TBC1D2B: variants seen among roughly 807,000 people sequenced by gnomAD.
TBC1D2B encodes the protein TBC1 domain family, member 2B.
A neutral mutation model predicts 100.8 loss-of-function variants in TBC1D2B; 64 were observed. That is an observed-to-expected ratio of 0.64 (90% CI 0.52 to 0.78). TBC1D2B has a LOEUF of 0.78. TBC1D2B is among the 30% of genes least tolerant of loss of function. TBC1D2B has a pLI of 0.00. For missense variants in TBC1D2B, 1,052 were observed against 1,218.4 expected, an observed-to-expected ratio of 0.86 and a Z score of 2.03; for synonymous variants, 480 against 479.7, an observed-to-expected ratio of 1.00 and a Z score of -0.01.
intron 10 of TBC1D2B, chr15:78,003,723 G>C: frequency 2.1e-6 from 1 of 473,754 alleles, no homozygotes; most frequent in South Asian, 4.1e-5. Flanking sequence ...CTTTCCACAG[G>C]GCATGGGAGT....
intron 9 of TBC1D2B, among the ~76,000 whole-genome samples, chr15:78,009,937 T>TGCACTCCGGCCTGGGCGAGAGAGCC (rs1391660396): frequency 7.0e-6 from 1 of 142,016 alleles, no homozygotes; most frequent in African/African-American, 2.7e-5. Context: ...ATAGCTCCAC[T>TGCACTCCGGCCTGGGCGAGAGAGCC]GCACTCCGGC....
chr15:78,060,866 G>A (rs1007664639), intron 1 of TBC1D2B, among the ~76,000 whole-genome samples: 7 of 150,590 alleles, frequency 4.6e-5, no homozygotes, highest in African/African-American at 9.8e-5. Flanking sequence ...GCAGTGAGCC[G>A]AGATCGCGCC....
rs1311814468 is a variant in TBC1D2B at position 78,009,006 on chromosome 15, T to C, written c.2379A>G (p.Leu793=). 1 of 1,589,522 alleles carries C rather than the reference T, an allele frequency of 6.3e-7. No individual in the cohort carries two copies. The highest frequency in any genetic ancestry group is 1.8e-5 in the Admixed American group (1 of 56,316). ...GAATTTTCAGAACTACCTGGGATCC[T>C]AAAAGAGTCTTTGTATAATAGTCTC... ...MPRDYYTKTL[L]GSQVDQRVFR... Residue 793 remains leucine, a synonymous_variant, in exon 10 of 13, where the codon TTA becomes TTG. Transcript: ENST00000300584.
intron 1 of TBC1D2B, among the ~76,000 whole-genome samples, chr15:78,068,383 CCACACACACACACACACACA>C (rs35403620): frequency 2.1e-5 from 3 of 143,012 alleles, no homozygotes; most frequent in Admixed American, 7.0e-5. Context: ...CACACCACAC[CCACACACACACACACACACA>C]CACACACACA....
In TBC1D2B at chr15:78,044,963, G is replaced by A; in HGVS notation, c.620C>T (p.Pro207Leu). ...ELVGEQAANQ[P>L]APGHPNSINF... ...AATGGAATTTGGATGCCCTGGGGCG[G>A]GCTGATTTGCAGCTTGTTCTCCCAC... The change falls in exon 3 of 13, where the codon CCC becomes CTC. Residue 207 changes from proline (P) to leucine (L), a missense_variant. Coordinates refer to ENST00000300584, the MANE Select transcript of TBC1D2B (RefSeq NM_144572.2). The A allele has an allele frequency of 1.2e-6, 2 of 1,613,710 alleles. No individual in the cohort carries two copies. The highest frequency in any genetic ancestry group is 8.5e-7 in the Non-Finnish European group (1 of 1,179,768).
chr15:78,075,588 C>T (rs998070686), intron 1 of TBC1D2B, among the ~76,000 whole-genome samples: 4 of 152,138 alleles, frequency 2.6e-5, no homozygotes, highest in Non-Finnish European at 4.4e-5. Context: ...GAAATTCGTC[C>T]GACACAGGGA....
chr15:78,070,204 C>A (rs548052993), intron 1 of TBC1D2B, among the ~76,000 whole-genome samples: 4 of 152,250 alleles, frequency 2.6e-5, no homozygotes, highest in Non-Finnish European at 5.9e-5. Context: ...AGGGCCTCTG[C>A]TTATGCCATT....
chr15:78,049,246 C>T (rs2073262502), intron 2 of TBC1D2B, among the ~76,000 whole-genome samples: 1 of 152,144 alleles, frequency 6.6e-6, no homozygotes, highest in African/African-American at 2.4e-5. Context: ...TTTGCCTGTC[C>T]CCTACCCCCA....
rs201895110 is a variant in TBC1D2B at position 78,013,245 on chromosome 15, G to A, written c.1848C>T (p.Arg616=). The A allele has an allele frequency of 2.4e-5, 38 of 1,613,804 alleles. No homozygotes were observed. Among genetic ancestry groups the A allele is most frequent in the Non-Finnish European group, 3.1e-5 (36 of 1,179,888 alleles). ...GGTAGAGAGTCTTCAGATCCAACGC[G>A]CGGACCTTGGCAACCAATTTCTCTT... ...DEEEKLVAKV[R]ALDLKTLYLT... is the part of the protein sequence containing the mutation. Residue 616 remains arginine, a synonymous_variant, in exon 9 of 13, where the codon CGC becomes CGT. Transcript: ENST00000300584.
chr15:78,036,869 T>C (rs1270351256), intron 3 of TBC1D2B, among the ~76,000 whole-genome samples: 1 of 152,208 alleles, frequency 6.6e-6, no homozygotes, highest in African/African-American at 2.4e-5. Context: ...TCAGCTGGCA[T>C]TCAAGTTTGG....
chr15:78,062,263 G>A (rs2073562937), intron 1 of TBC1D2B, among the ~76,000 whole-genome samples: 1 of 152,136 alleles, frequency 6.6e-6, no homozygotes, highest in Admixed American at 6.5e-5. Context: ...CACAAAGAAA[G>A]CAAAGCAAAG....
chr15:78,073,622 G>C (rs1420317265), intron 1 of TBC1D2B, among the ~76,000 whole-genome samples: 1 of 152,104 alleles, frequency 6.6e-6, no homozygotes, highest in Non-Finnish European at 1.5e-5. Flanking sequence ...ACACCATAAA[G>C]ATTTTACTCC....
chr15:78,048,438 C>T (rs568211946), intron 2 of TBC1D2B, among the ~76,000 whole-genome samples: 74 of 152,318 alleles, frequency 4.9e-4, no homozygotes, highest in African/African-American at 1.8e-3. Flanking sequence ...GACATGGCAA[C>T]ATTTCCTCGA....
intron 3 of TBC1D2B, among the ~76,000 whole-genome samples, chr15:78,043,335 C>T (rs1257600856): frequency 6.6e-6 from 1 of 152,176 alleles, no homozygotes; most frequent in Non-Finnish European, 1.5e-5. Flanking sequence ...GGCTTGGACT[C>T]TACAGGACAG....
chr15:78,020,767 G>C (rs1387145819), intron 6 of TBC1D2B, among the ~76,000 whole-genome samples: 5 of 152,202 alleles, frequency 3.3e-5, no homozygotes, highest in Non-Finnish European at 7.3e-5. Context: ...TAAACTGTGA[G>C]GCCCAGGAGT....
intron 2 of TBC1D2B, among the ~76,000 whole-genome samples, chr15:78,051,986 C>T (rs2073323186): frequency 1.3e-5 from 2 of 152,172 alleles, no homozygotes; most frequent in Admixed American, 1.3e-4. Context: ...TCTAATGTTA[C>T]AGTCATTTCT....
chr15:78,050,775 G>C (rs1310829121), intron 2 of TBC1D2B, among the ~76,000 whole-genome samples: 1 of 152,156 alleles, frequency 6.6e-6, no homozygotes, highest in African/African-American at 2.4e-5. Context: ...AATCACACAG[G>C]AAAGTCTCTT....
chr15:78,066,268 T>C (rs1159183696), intron 1 of TBC1D2B: 2 of 328,900 alleles, frequency 6.1e-6, no homozygotes, highest in Admixed American at 7.5e-5. Context: ...TATGCAGCTA[T>C]AAACCACAGA....
At chr15:78,046,920 A>G (rs2073207679) in intron 2 of TBC1D2B, among the ~76,000 whole-genome samples, 1 of 152,214 alleles carries the variant, frequency 6.6e-6, no homozygotes, top group Admixed American at 6.5e-5. Context: ...TGAATGCCAC[A>G]TGATGGGCCT....
Sources: allele counts gnomAD v4.1 joint callset (sites outside exome capture counted in the v4.1 genomes callset), GRCh38; gene constraint gnomAD v4.1.1; transcripts MANE v1.5; gene names NCBI Gene and HGNC (gene_info 2026-07-23, HGNC 2026-07-21).